Variants in KPNA6 observed in about 807,000 individuals in gnomAD.
KPNA6 encodes the protein importin subunit alpha-7.
KPNA6 carries 9 observed loss-of-function variants against 72.0 expected under a neutral mutation model. That is an observed-to-expected ratio of 0.13 (90% CI 0.08 to 0.22). The LOEUF is 0.22. Among genes scored for constraint, KPNA6 ranks in the 10% least tolerant of loss-of-function variants. The probability of loss-of-function intolerance (pLI) is 1.00; values close to 1 mark genes in which losing one functional copy is unlikely to be tolerated. For missense variants in KPNA6, 374 were observed against 655.7 expected (o/e 0.57, Z 4.69); for synonymous variants, 219 against 242.1 (o/e 0.90, Z 0.89).
At position 32,172,882 on chromosome 1, in the gene KPNA6, C is replaced by T. The variant is rs1482618301; in HGVS notation, c.*1988C>T. 1.5e-5 allele frequency: 6 copies of T among 391,256 alleles called. No homozygotes were observed. The highest frequency in any genetic ancestry group is 2.3e-5 in the Non-Finnish European group (5 of 222,138). 24.2% of individuals were successfully genotyped at this position (391,256 alleles called of 1,614,324 possible). ...TTCTGGCTCAGGTGAAATCCATGCC[C>T]TTCTGCTTATAGACCTAAAGTTCAG... On this transcript the variant is annotated 3_prime_UTR_variant, in exon 14 of 14. Coordinates refer to ENST00000373625, the MANE Select transcript of KPNA6 (RefSeq NM_012316.5).
At chr1:32,155,315 C>CT (rs892067452) in intron 2 of KPNA6, among the ~76,000 whole-genome samples, 109 of 142,286 alleles carry the variant, frequency 7.7e-4, no homozygotes, top group Middle Eastern at 7.1e-3. Flanking sequence ...CTTTTCTTTT[C>CT]TTTTTTTTTT....
chr1:32,147,286 T>TTTTTG (rs773957066), intron 1 of KPNA6, among the ~76,000 whole-genome samples: 9 of 152,296 alleles, frequency 5.9e-5, no homozygotes, highest in Admixed American at 2.6e-4. Context: ...AGCACTTTGC[T>TTTTTG]TTTTGTTTTG....
intron 1 of KPNA6, among the ~76,000 whole-genome samples, chr1:32,140,727 A>G (rs1050470933): frequency 2.6e-5 from 4 of 152,214 alleles, no homozygotes; most frequent in Non-Finnish European, 5.9e-5. Context: ...AGTACAAGGA[A>G]TCACAGGTGA....
intron 1 of KPNA6, among the ~76,000 whole-genome samples, chr1:32,128,390 TATA>T (rs1557462547): frequency 0.024 from 891 of 36,828 alleles, 19 homozygotes; most frequent in African/African-American, 0.065. Flanking sequence ...TATGTATTTA[TATA>T]TATATATATA....
chr1:32,174,162 G>GCC lies in KPNA6; in HGVS notation c.*3276_*3277dup, dbSNP rs879040928. The stretch of plus-strand genomic sequence containing the variant: ...TTACATGGGTCAGGGAATACAAATG[G>GCC]CCCCCCCCCAGGGAGCAGGTGTTGG... On this transcript the variant is annotated 3_prime_UTR_variant, in exon 14 of 14. Coordinates refer to ENST00000373625, the MANE Select transcript of KPNA6 (RefSeq NM_012316.5). 3.3e-5 allele frequency: 5 copies of GCC among 149,924 alleles called. No homozygotes were observed. The highest frequency in any genetic ancestry group is 2.1e-4 in the South Asian group (1 of 4,722). The allele number at this position is 149,924 out of a possible 1,614,324, so 9.3% of individuals were successfully genotyped here.
intron 1 of KPNA6, among the ~76,000 whole-genome samples, chr1:32,149,336 G>T (rs986403792): frequency 3.3e-5 from 5 of 151,984 alleles, no homozygotes; most frequent in African/African-American, 1.2e-4. Flanking sequence ...AGTTGTTTTA[G>T]AATCTGTCTA....
chr1:32,139,326 C>T (rs1334658199), intron 1 of KPNA6, among the ~76,000 whole-genome samples: 3 of 151,928 alleles, frequency 2.0e-5, no homozygotes, highest in African/African-American at 7.3e-5. Flanking sequence ...GGGGAAGGAC[C>T]CAGCAATTCC....
intron 1 of KPNA6, among the ~76,000 whole-genome samples, chr1:32,148,713 C>T (rs565706468): frequency 1.1e-4 from 17 of 151,850 alleles, no homozygotes; most frequent in African/African-American, 2.7e-4. Flanking sequence ...CACGCCACCA[C>T]GCCTGGGTAT....
intron 1 of KPNA6, among the ~76,000 whole-genome samples, chr1:32,142,009 C>CTGT (rs1301961672): frequency 7.2e-5 from 11 of 152,080 alleles, no homozygotes; most frequent in African/African-American, 1.9e-4. Flanking sequence ...TGGCTCATGC[C>CTGT]TGTAATCCCA....
chr1:32,154,887 C>T (rs1481393232), intron 2 of KPNA6, among the ~76,000 whole-genome samples, 166 bp downstream of exon 2: 1 of 152,000 alleles, frequency 6.6e-6, no homozygotes. Flanking sequence ...GCAGGCAGAT[C>T]ACCTGAGGTC....
At chr1:32,119,282 C>T (rs1473462722) in intron 1 of KPNA6, among the ~76,000 whole-genome samples, 13 of 151,800 alleles carry the variant, frequency 8.6e-5, no homozygotes, top group African/African-American at 3.1e-4. Flanking sequence ...CCGCCTGCCT[C>T]GGCCTCCCAA....
intron 1 of KPNA6, among the ~76,000 whole-genome samples, chr1:32,136,415 C>A (rs906941152): frequency 6.6e-6 from 1 of 152,134 alleles, no homozygotes; most frequent in African/African-American, 2.4e-5. Context: ...CTGAGGTGAT[C>A]TGTCCGCCTT....
At chr1:32,132,442 GC>G (rs1641655177) in intron 1 of KPNA6, among the ~76,000 whole-genome samples, 1 of 152,156 alleles carries the variant, frequency 6.6e-6, no homozygotes, top group Non-Finnish European at 1.5e-5. Context: ...ATAGGCACAT[GC>G]CCCCATGTCT....
At chr1:32,122,568 T>G (rs976714581) in intron 1 of KPNA6, among the ~76,000 whole-genome samples, 5 of 152,034 alleles carry the variant, frequency 3.3e-5, no homozygotes, top group East Asian at 3.9e-4. Context: ...GAGGATCACT[T>G]GAGGTCAGCA....
intron 3 of KPNA6, 41 bp from the exon 4 acceptor site, chr1:32,157,305 A>G: frequency 6.8e-7 from 1 of 1,474,834 alleles, no homozygotes. Context: ...ATCTGGCTCT[A>G]ATGTTGGTTT....
At chr1:32,155,267 G>A (rs1275837506) in intron 2 of KPNA6, among the ~76,000 whole-genome samples, 1 of 150,700 alleles carries the variant, frequency 6.6e-6, no homozygotes, top group East Asian at 1.9e-4. Context: ...CATCATTTAT[G>A]TCTTTACTGT....
At chr1:32,170,241 G>T (rs1003726439) in intron 13 of KPNA6, among the ~76,000 whole-genome samples, 181 bp downstream of exon 13, 1 of 152,132 alleles carries the variant, frequency 6.6e-6, no homozygotes, top group Admixed American at 6.5e-5. Context: ...CATCCACAGG[G>T]TTTCACACGT....
intron 1 of KPNA6, among the ~76,000 whole-genome samples, chr1:32,128,358 T>C (rs1641569440): frequency 7.1e-6 from 1 of 141,710 alleles, no homozygotes; most frequent in Non-Finnish European, 1.5e-5. Context: ...GAACTAGGAA[T>C]ATATATATTT....
At chr1:32,129,554 T>C (rs1641600800) in intron 1 of KPNA6, among the ~76,000 whole-genome samples, 1 of 151,834 alleles carries the variant, frequency 6.6e-6, no homozygotes, top group South Asian at 2.1e-4. Flanking sequence ...TTTGTTGTTG[T>C]GTTGTTTTGT....
Sources: gnomAD v4.1 joint callset for allele counts (sites outside exome capture counted in the v4.1 genomes callset) on GRCh38, gnomAD v4.1.1 for gene constraint, MANE v1.5 for transcripts, NCBI Gene and HGNC (gene_info 2026-07-23, HGNC 2026-07-21) for gene names.